CCDC171: variants seen among roughly 807,000 people sequenced by gnomAD.
CCDC171 encodes the protein coiled-coil domain-containing protein 171.
CCDC171 carries 177 observed loss-of-function variants against 168.2 expected under a neutral mutation model. The observed-to-expected ratio is 1.05, with a 90% confidence interval of 0.93 to 1.19. CCDC171 has a LOEUF of 1.19. Ranked by LOEUF, CCDC171 falls within the 50% of genes most tolerant of loss-of-function variation. The pLI is 0.00. For synonymous variants in CCDC171, 687 were observed against 540.8 expected (o/e 1.27, Z -3.75); for missense variants, 1,991 against 1,539.0 (o/e 1.29, Z -4.91).
intron 6 of CCDC171, among the ~76,000 whole-genome samples, chr9:15,616,027 T>C (rs941670712): frequency 6.6e-6 from 1 of 152,218 alleles, no homozygotes; most frequent in Non-Finnish European, 1.5e-5. Flanking sequence ...CTTGGCTCAC[T>C]GTAACCTCCA....
At chr9:15,622,010 T>A (rs202023985) in intron 6 of CCDC171, among the ~76,000 whole-genome samples, 1 of 152,180 alleles carries the variant, frequency 6.6e-6, no homozygotes, top group Non-Finnish European at 1.5e-5. Context: ...GGCCATTATC[T>A]TTAGCAAACT....
chr9:15,965,935 G>T (rs1417074136), intron 25 of CCDC171, among the ~76,000 whole-genome samples: 3 of 152,090 alleles, frequency 2.0e-5, no homozygotes, highest in African/African-American at 2.4e-5. Flanking sequence ...ATCTGTATAT[G>T]TGTGAAATAA....
intron 4 of CCDC171, among the ~76,000 whole-genome samples, chr9:15,589,662 T>G (rs545671706): frequency 6.6e-6 from 1 of 152,304 alleles, no homozygotes; most frequent in African/African-American, 2.4e-5. Context: ...ACCATTATTG[T>G]TTGTGAAAAA....
chr9:15,723,188 C>CAA (rs1423491324), intron 12 of CCDC171, among the ~76,000 whole-genome samples: 3 of 152,150 alleles, frequency 2.0e-5, no homozygotes, highest in Non-Finnish European at 4.4e-5. Flanking sequence ...CAACTGATGA[C>CAA]CTGCCACAAG....
intron 24 of CCDC171, among the ~76,000 whole-genome samples, chr9:15,880,718 C>T (rs947994277): frequency 6.0e-5 from 9 of 150,180 alleles, no homozygotes; most frequent in African/African-American, 1.7e-4. Context: ...TCAAGTGATT[C>T]ACCCGCCTCA....
chr9:15,999,264 G>GAGAA (rs1052096957), intron 3 of CCDC171, among the ~76,000 whole-genome samples: 49 of 146,182 alleles, frequency 3.4e-4, no homozygotes, highest in South Asian at 2.0e-3. Context: ...AAGAGAGAAA[G>GAGAA]AGAAAGAAAG....
At chr9:15,640,532 A>G (rs900767437) in intron 7 of CCDC171, among the ~76,000 whole-genome samples, 13 of 152,290 alleles carry the variant, frequency 8.5e-5, no homozygotes, top group African/African-American at 2.9e-4. Flanking sequence ...TGAAAACTGT[A>G]GCATATTAAT....
the CCDC171 span, among the ~76,000 whole-genome samples, chr9:16,086,215 G>A: frequency 9.2e-5 from 14 of 152,044 alleles, no homozygotes; most frequent in African/African-American, 2.4e-4. Context: ...TATCCATTTC[G>A]TCTAGATTTT....
chr9:15,738,867 A>T (rs529539779), intron 16 of CCDC171, among the ~76,000 whole-genome samples: 4 of 151,762 alleles, frequency 2.6e-5, no homozygotes, highest in African/African-American at 9.7e-5. Context: ...AGCTTTTTTC[A>T]TTAATTGGGC....
chr9:15,611,229 C>T (rs1410251204), intron 6 of CCDC171, among the ~76,000 whole-genome samples: 8 of 152,188 alleles, frequency 5.3e-5, no homozygotes, highest in Admixed American at 1.3e-4. Flanking sequence ...ATGCCAGCAT[C>T]ATGCTTCCTG....
the CCDC171 span, among the ~76,000 whole-genome samples, chr9:16,078,986 A>T: frequency 6.6e-6 from 1 of 152,170 alleles, no homozygotes; most frequent in Non-Finnish European, 1.5e-5. Flanking sequence ...TTCCCTTATG[A>T]TCTCTGCAGG....
At chr9:15,853,110 AAG>A (rs57796796) in intron 23 of CCDC171, among the ~76,000 whole-genome samples, 3,016 of 151,766 alleles carry the variant, frequency 0.02, 105 homozygotes, top group African/African-American at 0.069. Context: ...ATTTCTGCAA[AAG>A]AAGGCAATGG....
intron 18 of CCDC171, among the ~76,000 whole-genome samples, chr9:15,751,088 A>G (rs1262063960): frequency 6.6e-6 from 1 of 152,212 alleles, no homozygotes; most frequent in Non-Finnish European, 1.5e-5. Flanking sequence ...CTCAGGATAC[A>G]AAATCAATGT....
intron 23 of CCDC171, among the ~76,000 whole-genome samples, chr9:15,850,969 TTCAAGGTTTGTACC>T (rs2061101775): frequency 6.6e-6 from 1 of 152,018 alleles, no homozygotes; most frequent in South Asian, 2.1e-4. Context: ...CACGTGTGTT[TTCAAGGTTTGTACC>T]ATTCATTCTA....
At chr9:16,047,477 G>A (rs147510644) in intron 1 of CCDC171, among the ~76,000 whole-genome samples, 2 of 152,256 alleles carry the variant, frequency 1.3e-5, no homozygotes, top group African/African-American at 4.8e-5. Context: ...GTCATTCCTC[G>A]ATTATCACTG....
intron 7 of CCDC171, among the ~76,000 whole-genome samples, chr9:15,639,893 G>C (rs930532792): frequency 1.3e-5 from 2 of 152,140 alleles, no homozygotes; most frequent in Non-Finnish European, 2.9e-5. Flanking sequence ...TAAGTAGAAG[G>C]AATATCCTTT....
chr9:15,935,981 C>T (rs952244493), intron 25 of CCDC171, among the ~76,000 whole-genome samples: 3 of 151,994 alleles, frequency 2.0e-5, no homozygotes, highest in Admixed American at 1.3e-4. Context: ...AACAACATTG[C>T]AGAAAACAAC....
intron 24 of CCDC171, among the ~76,000 whole-genome samples, chr9:15,911,656 C>G (rs764750414): frequency 1.3e-5 from 2 of 152,160 alleles, no homozygotes; most frequent in East Asian, 1.9e-4. Flanking sequence ...CCTAGGTTCT[C>G]TTGTTGGATT....
At chr9:15,673,074 C>T (rs998813456) in intron 9 of CCDC171, among the ~76,000 whole-genome samples, 22 of 152,234 alleles carry the variant, frequency 1.4e-4, no homozygotes, top group Admixed American at 9.8e-4. Flanking sequence ...CCTTCACATC[C>T]CTTGTAAGTT....
Sources: allele counts gnomAD v4.1 joint callset (sites outside exome capture counted in the v4.1 genomes callset), GRCh38; gene constraint gnomAD v4.1.1; transcripts MANE v1.5; gene names NCBI Gene and HGNC (gene_info 2026-07-23, HGNC 2026-07-21).